The following TENM3 variants were observed in gnomAD, a reference collection of about 807,000 sequenced individuals.
TENM3 encodes teneurin transmembrane protein 3.
Under a neutral mutation model 255.1 loss-of-function variants are expected in TENM3, and 63 were observed. That is an observed-to-expected ratio of 0.25 (90% CI 0.20 to 0.30). TENM3 has a LOEUF of 0.30. Among genes scored for constraint, TENM3 ranks in the 10% least tolerant of loss-of-function variants. TENM3 has a pLI of 1.00. For missense variants in TENM3, 2,929 were observed against 3,461.1 expected (o/e 0.85, Z 3.86); for synonymous variants, 1,306 against 1,322.3 (o/e 0.99, Z 0.27).
At chr4:181,782,738 G>C in the TENM3 span, among the ~76,000 whole-genome samples, 1 of 152,078 alleles carries the variant, frequency 6.6e-6, no homozygotes, top group Non-Finnish European at 1.5e-5. Context: ...GATCTTTCCT[G>C]CTTTTTCTTG....
intron 3 of TENM3, among the ~76,000 whole-genome samples, chr4:182,410,024 A>T (rs950619405): frequency 3.3e-5 from 5 of 151,848 alleles, no homozygotes; most frequent in Non-Finnish European, 5.9e-5. Flanking sequence ...AAGGGGTTTC[A>T]CCGTGTTGCT....
the TENM3 span, among the ~76,000 whole-genome samples, chr4:182,078,106 G>A: frequency 1.3e-5 from 2 of 152,154 alleles, no homozygotes; most frequent in African/African-American, 4.8e-5. Context: ...CATGCCTGTA[G>A]TCCCAGCTAC....
the TENM3 span, among the ~76,000 whole-genome samples, chr4:181,703,337 G>T: frequency 6.6e-6 from 1 of 152,154 alleles, no homozygotes; most frequent in Admixed American, 6.5e-5. Flanking sequence ...AGTGCTTGGG[G>T]ATTTGAATAA....
the TENM3 span, among the ~76,000 whole-genome samples, chr4:182,000,694 T>C: frequency 6.6e-6 from 1 of 152,138 alleles, no homozygotes; most frequent in African/African-American, 2.4e-5. Flanking sequence ...AAACAATGTA[T>C]TTTGAGACTC....
chr4:182,303,946 C>T (rs1315021939), intron 1 of TENM3, among the ~76,000 whole-genome samples: 1 of 151,956 alleles, frequency 6.6e-6, no homozygotes, highest in Non-Finnish European at 1.5e-5. Flanking sequence ...ATTAGAATAT[C>T]CTGCTCAACG....
chr4:182,196,612 C>T (rs1008489983), intron 1 of TENM3, among the ~76,000 whole-genome samples: 7 of 152,092 alleles, frequency 4.6e-5, no homozygotes, highest in Non-Finnish European at 1.0e-4. Flanking sequence ...CTTAAGCCCT[C>T]GGGTGTAGTA....
intron 3 of TENM3, among the ~76,000 whole-genome samples, chr4:182,516,451 T>A (rs1317506280): frequency 6.6e-6 from 1 of 152,244 alleles, no homozygotes; most frequent in Non-Finnish European, 1.5e-5. Context: ...ATCCCAATGG[T>A]ACTTTTATAA....
At chr4:182,661,755 C>A (rs754289260) in intron 6 of TENM3, among the ~76,000 whole-genome samples, 1 of 152,126 alleles carries the variant, frequency 6.6e-6, no homozygotes, top group African/African-American at 2.4e-5. Flanking sequence ...AAATGCCCAA[C>A]CTTGCTTCCT....
At chr4:182,363,152 A>G (rs1482264286) in intron 3 of TENM3, among the ~76,000 whole-genome samples, 2 of 152,230 alleles carry the variant, frequency 1.3e-5, no homozygotes, top group Non-Finnish European at 2.9e-5. Context: ...GGAATTACAC[A>G]TCCAGATTCT....
rs74803086 is a variant in TENM3 at position 182,397,712 on chromosome 4, G to A, written c.511+50783G>A. ...GCTAAACCAGTGGTTCTCAACCTTC[G>A]GTGAGCACGGAATCACCTGGAGGGC... is the stretch of plus-strand genomic sequence containing the variant. On this transcript the variant is annotated intron_variant, in intron 3 of 27. Coordinates refer to ENST00000511685, the MANE Select transcript of TENM3 (RefSeq NM_001080477.4). Among the ~76,000 whole-genome samples, 559 of 152,210 alleles carry A rather than the reference G, an allele frequency of 3.7e-3. 2 individuals are homozygous for A. Among genetic ancestry groups the A allele is most frequent in the African/African-American group, 0.013 (535 of 41,528 alleles).
the TENM3 span, among the ~76,000 whole-genome samples, chr4:181,815,727 A>T: frequency 1.3e-5 from 2 of 152,166 alleles, no homozygotes; most frequent in African/African-American, 2.4e-5. Flanking sequence ...GGGGTTGCTT[A>T]GATGAGATTT....
At chr4:181,803,609 G>A in the TENM3 span, among the ~76,000 whole-genome samples, 3 of 152,050 alleles carry the variant, frequency 2.0e-5, no homozygotes, top group Non-Finnish European at 4.4e-5. Context: ...GGCCAGTAAG[G>A]GGAATTAATA....
chr4:182,682,798 C>T (rs1756276697), intron 11 of TENM3, among the ~76,000 whole-genome samples: 1 of 151,902 alleles, frequency 6.6e-6, no homozygotes, highest in Admixed American at 6.6e-5. Flanking sequence ...AATTCCATAA[C>T]TCATAAGTTA....
At chr4:182,717,607 A>T (rs981349097) in intron 13 of TENM3, among the ~76,000 whole-genome samples, 1 of 152,208 alleles carries the variant, frequency 6.6e-6, no homozygotes, top group Non-Finnish European at 1.5e-5. Context: ...GCAATGGATT[A>T]CTAGATTCTT....
At chr4:181,542,031 T>C in the TENM3 span, among the ~76,000 whole-genome samples, 1 of 152,152 alleles carries the variant, frequency 6.6e-6, no homozygotes, top group South Asian at 2.1e-4. Flanking sequence ...GCAGGTATTC[T>C]TCTTAGGGAA....
rs573978472 is a variant in TENM3 at position 182,570,193 on chromosome 4, C to T, written c.512-30731C>T. On this transcript the variant is annotated intron_variant, in intron 3 of 27. Coordinates refer to ENST00000511685, the MANE Select transcript of TENM3 (RefSeq NM_001080477.4). ...AAAATTCAAGAGATATTTCTAAGGA[C>T]TGAATTGACTGATGGAGGTTAGTGA... Among the ~76,000 whole-genome samples, 23 of 152,170 alleles carry T rather than the reference C, an allele frequency of 1.5e-4. 1 individual carries two copies. Among genetic ancestry groups the T allele is most frequent in the Admixed American group, 3.3e-4 (5 of 15,276 alleles).
the TENM3 span, among the ~76,000 whole-genome samples, chr4:181,469,154 CAT>C: frequency 6.6e-6 from 1 of 151,974 alleles, no homozygotes; most frequent in African/African-American, 2.4e-5. Context: ...CTGGTTGTAT[CAT>C]AAACTTTGAC....
the TENM3 span, among the ~76,000 whole-genome samples, chr4:181,994,106 C>T: frequency 0.75 from 113,644 of 152,090 alleles, 42,530 homozygotes; most frequent in Middle Eastern, 0.77. Context: ...TGAAAAACCA[C>T]GTAATTTCAC....
intron 3 of TENM3, among the ~76,000 whole-genome samples, chr4:182,460,519 C>T (rs771572233): frequency 3.3e-5 from 5 of 152,034 alleles, no homozygotes; most frequent in African/African-American, 4.8e-5. Flanking sequence ...TATACACTAG[C>T]GGTTGCCTGT....
Sources: allele counts gnomAD v4.1 joint callset (sites outside exome capture counted in the v4.1 genomes callset), GRCh38; gene constraint gnomAD v4.1.1; transcripts MANE v1.5; gene names NCBI Gene and HGNC (gene_info 2026-07-23, HGNC 2026-07-21).